The following ARHGAP31 variants were observed in gnomAD, a reference collection of about 807,000 sequenced individuals.
ARHGAP31 encodes Rho GTPase activating protein 31, also known as rho GTPase-activating protein 31.
ARHGAP31 carries 34 observed loss-of-function variants against 113.9 expected under a neutral mutation model. The ratio of observed to expected loss-of-function variants is 0.30; its 90% CI spans 0.23 to 0.40. ARHGAP31 has a LOEUF of 0.40. Among genes scored for constraint, ARHGAP31 ranks in the 10% least tolerant of loss-of-function variants. The pLI is 1.00. For missense variants in ARHGAP31, 1,548 were observed against 1,767.1 expected, an observed-to-expected ratio of 0.88 and a Z score of 2.22; for synonymous variants, 650 against 684.8, an observed-to-expected ratio of 0.95 and a Z score of 0.79.
chr3:119,296,896 C>G (rs2079538009), intron 1 of ARHGAP31, among the ~76,000 whole-genome samples: 1 of 152,212 alleles, frequency 6.6e-6, no homozygotes, highest in Non-Finnish European at 1.5e-5. Context: ...GGAGGGCCCT[C>G]CCTGGCCTGT....
chr3:119,338,450 T>C (rs906380028), intron 1 of ARHGAP31, among the ~76,000 whole-genome samples: 1 of 152,190 alleles, frequency 6.6e-6, no homozygotes, highest in Non-Finnish European at 1.5e-5. Context: ...GCACAGTAAA[T>C]ACAGAAAGAA....
intron 1 of ARHGAP31, among the ~76,000 whole-genome samples, chr3:119,349,156 A>T (rs181015778): frequency 3.0e-4 from 46 of 152,256 alleles, no homozygotes; most frequent in African/African-American, 9.9e-4. Flanking sequence ...TGCAGAAAGC[A>T]TATCTTTTTG....
intron 1 of ARHGAP31, among the ~76,000 whole-genome samples, chr3:119,316,469 T>G (rs1306159785): frequency 6.6e-6 from 1 of 152,152 alleles, no homozygotes; most frequent in African/African-American, 2.4e-5. Context: ...CCCTGTCCTG[T>G]GTAGGGTACA....
chr3:119,409,586 A>G lies in ARHGAP31; in HGVS notation c.1736A>G (p.Glu579Gly). The change falls in exon 11 of 12, where the codon GAG becomes GGG. Residue 579 changes from glutamate to glycine, a missense_variant. Transcript: ENST00000264245. ...TVECSKGLSQ[E>G]PGAHLEEKKT... ...GAATGCAGCAAAGGCCTGTCCCAGG[A>G]GCCAGGCGCCCACCTGGAGGAGAAG... 2 of 1,614,088 alleles carry G rather than the reference A, an allele frequency of 1.2e-6. No homozygotes were observed. The highest frequency in any genetic ancestry group is 1.7e-6 in the Non-Finnish European group (2 of 1,179,988).
chr3:119,336,939 T>C (rs1440116693), intron 1 of ARHGAP31, among the ~76,000 whole-genome samples: 1 of 152,244 alleles, frequency 6.6e-6, no homozygotes, highest in East Asian at 1.9e-4. Context: ...GCTTCTTACA[T>C]TTACAATATT....
intron 1 of ARHGAP31, among the ~76,000 whole-genome samples, chr3:119,320,032 A>C (rs1306819200): frequency 1.3e-5 from 2 of 152,084 alleles, no homozygotes; most frequent in African/African-American, 4.8e-5. Flanking sequence ...GGTAAATTCT[A>C]CATCTACCCC....
intron 1 of ARHGAP31, among the ~76,000 whole-genome samples, chr3:119,327,980 A>T (rs2079860645): frequency 6.6e-6 from 1 of 152,234 alleles, no homozygotes; most frequent in South Asian, 2.1e-4. Context: ...TGGTCATTAG[A>T]TAGAAAAATT....
At chr3:119,317,961 T>C (rs956359363) in intron 1 of ARHGAP31, among the ~76,000 whole-genome samples, 25 of 152,166 alleles carry the variant, frequency 1.6e-4, no homozygotes, top group African/African-American at 5.8e-4. Context: ...AAAAAGGGAA[T>C]TGCTGTTCTT....
At chr3:119,300,605 G>T (rs1482069677) in intron 1 of ARHGAP31, among the ~76,000 whole-genome samples, 2 of 152,068 alleles carry the variant, frequency 1.3e-5, no homozygotes, top group Non-Finnish European at 2.9e-5. Context: ...AAAGTGGGTA[G>T]ATCACTTGAG....
At chr3:119,360,495 C>G (rs1279240797) in intron 1 of ARHGAP31, among the ~76,000 whole-genome samples, 1 of 152,210 alleles carries the variant, frequency 6.6e-6, no homozygotes. Flanking sequence ...AGGTCCCAGG[C>G]ACACAGGGAA....
chr3:119,300,138 G>C (rs2107591972), intron 1 of ARHGAP31, among the ~76,000 whole-genome samples: 1 of 152,340 alleles, frequency 6.6e-6, no homozygotes, highest in Middle Eastern at 3.4e-3. Context: ...TGACCCTGGA[G>C]CCAGTTATTT....
chr3:119,345,939 G>A lies in ARHGAP31; in HGVS notation c.101-19377G>A, dbSNP rs182144841. Reference sequence around the variant, plus strand: ...TTGAACTCTTTTACATGGACACTCAGATGCTCACTGCCTGTCCTCTCCAGT... The same window carrying A: ...TTGAACTCTTTTACATGGACACTCAAATGCTCACTGCCTGTCCTCTCCAGT... On this transcript the variant is annotated intron_variant, in intron 1 of 11. Transcript: ENST00000264245. Among the ~76,000 whole-genome samples the A allele has an allele frequency of 2.2e-3, 333 of 152,322 alleles. 7 individuals carry two copies. The East Asian group carries it at 0.045, about 20-fold the overall frequency.
At chr3:119,384,708 C>T (rs538942531) in intron 6 of ARHGAP31, among the ~76,000 whole-genome samples, 1 of 152,264 alleles carries the variant, frequency 6.6e-6, no homozygotes, top group Non-Finnish European at 1.5e-5. Context: ...TCATAAAGGT[C>T]GCACCTCACA....
chr3:119,320,534 T>C (rs954728229), intron 1 of ARHGAP31, among the ~76,000 whole-genome samples: 2 of 152,200 alleles, frequency 1.3e-5, no homozygotes, highest in African/African-American at 4.8e-5. Flanking sequence ...AGTAAACCCA[T>C]TGTAAACAAA....
intron 1 of ARHGAP31, among the ~76,000 whole-genome samples, chr3:119,344,375 T>C (rs2080036372): frequency 6.6e-6 from 1 of 152,254 alleles, no homozygotes; most frequent in Non-Finnish European, 1.5e-5. Flanking sequence ...AAGTACACCC[T>C]CATATGGCTG....
rs574105573 is a variant in ARHGAP31, at chr3:119,418,791, C to G, written c.*2527C>G. ...ACACTGACAGCTGTGGAGATAGTCC[C>G]TACTCTCAGCTTTCCTTGCTAGTCA... On this transcript the variant is annotated 3_prime_UTR_variant, in exon 12 of 12. Transcript: ENST00000264245. 6.6e-6 allele frequency: 1 copy of G among 152,286 alleles called. No homozygotes were observed. Among genetic ancestry groups the G allele is most frequent in the African/African-American group, 2.4e-5 (1 of 41,552 alleles). The allele number at this position is 152,286 out of a possible 1,614,324, so 9.4% of individuals were successfully genotyped here. A position where few individuals can be genotyped will look rare whatever the true frequency, so the allele number is the denominator to read the frequency against.
chr3:119,307,940 C>CAAAAAGAAAAAAAAAA (rs2079644565), intron 1 of ARHGAP31, among the ~76,000 whole-genome samples: 1 of 45,452 alleles, frequency 2.2e-5, no homozygotes, highest in Non-Finnish European at 3.7e-5. Context: ...GAATTAACAG[C>CAAAAAGAAAAAAAAAA]AAAAAAAAAA....
At chr3:119,360,191 C>T (rs79409283) in intron 1 of ARHGAP31, among the ~76,000 whole-genome samples, 11 of 152,284 alleles carry the variant, frequency 7.2e-5, no homozygotes, top group Non-Finnish European at 1.6e-4. Flanking sequence ...ATCACCCAGC[C>T]GAGTGTCTTT....
chr3:119,392,636 C>G (rs1412711204), intron 7 of ARHGAP31, among the ~76,000 whole-genome samples: 4 of 152,236 alleles, frequency 2.6e-5, no homozygotes, highest in Non-Finnish European at 4.4e-5. Flanking sequence ...GGGTGCCAGG[C>G]TGTCTCGACG....
Sources: gnomAD v4.1 joint callset for allele counts (sites outside exome capture counted in the v4.1 genomes callset) on GRCh38, gnomAD v4.1.1 for gene constraint, MANE v1.5 for transcripts, NCBI Gene and HGNC (gene_info 2026-07-23, HGNC 2026-07-21) for gene names.